Variants in HERC2 observed in about 807,000 individuals in gnomAD.
HERC2 encodes the protein E3 ubiquitin-protein ligase HERC2.
In HERC2, 102 loss-of-function variants were observed where a neutral mutation model predicts 537.7. That is an observed-to-expected ratio of 0.19 (90% CI 0.16 to 0.22). The LOEUF is 0.22. Ranked by LOEUF, HERC2 falls within the 10% of genes least tolerant of loss-of-function variation. HERC2 has a pLI of 1.00. For missense variants in HERC2, 4,236 were observed against 6,198.2 expected (o/e 0.68, Z 10.63); for synonymous variants, 2,224 against 2,466.2 (o/e 0.90, Z 2.91).
At chr15:28,303,231 C>T (rs2076684044) in intron 2 of HERC2, among the ~76,000 whole-genome samples, 1 of 152,230 alleles carries the variant, frequency 6.6e-6, no homozygotes, top group Non-Finnish European at 1.5e-5. Flanking sequence ...ATGGGTGTCC[C>T]ATTTTCCCAG....
At chr15:28,235,915 C>A (rs986984035) in intron 26 of HERC2, among the ~76,000 whole-genome samples, 3 of 152,096 alleles carry the variant, frequency 2.0e-5, no homozygotes, top group East Asian at 3.9e-4. Flanking sequence ...AAATGTAAAC[C>A]CATCTTAGGA....
At position 28,214,062 on chromosome 15, in the gene HERC2, G is replaced by A. The variant is rs200226171; in HGVS notation, c.6555+14C>T. ...CACCGTTGAACTAAATTAATTCTGA[G>A]AACACAAACCCACCCCTTCGGAAGG... On this transcript the variant is annotated intron_variant, in intron 41 of 92. Transcript: ENST00000261609. The A allele has an allele frequency of 1.5e-5, 25 of 1,613,714 alleles. No homozygotes were observed. Among genetic ancestry groups the A allele is most frequent in the Non-Finnish European group, 2.1e-5 (25 of 1,179,610 alleles).
intron 57 of HERC2, among the ~76,000 whole-genome samples, chr15:28,181,406 A>G (rs1279270182): frequency 6.6e-6 from 1 of 152,200 alleles, no homozygotes; most frequent in African/African-American, 2.4e-5. Flanking sequence ...GCTCAGGTAC[A>G]CTGAAACACA....
intron 20 of HERC2, among the ~76,000 whole-genome samples, chr15:28,250,734 T>C (rs2140850350): frequency 6.6e-6 from 1 of 152,264 alleles, no homozygotes; most frequent in East Asian, 1.9e-4. Flanking sequence ...GTTCAACAAC[T>C]GCATCTGCCA....
In HERC2 at chr15:28,132,818, G is replaced by T. The variant is rs1890240519; in HGVS notation, c.12243C>A (p.Arg4081=). ...CTCTCAGAGACTCGATGACACGAGG[G>T]CGGTCACACGGACTGCAAAAAAGTC... ...LGHGNRSPCD[R]PRVIESLRGI... is the part of the protein sequence containing the mutation. Residue 4081 remains arginine (R), a synonymous_variant, in exon 80 of 93, where the codon CGC becomes CGA. Transcript: ENST00000261609. 5 of 1,553,220 alleles carry T rather than the reference G, an allele frequency of 3.2e-6. No homozygotes were observed. The African/African-American group carries it at 7.0e-5, about 22-fold the overall frequency.
chr15:28,131,550 T>C (rs542921335), intron 81 of HERC2, among the ~76,000 whole-genome samples: 2 of 152,276 alleles, frequency 1.3e-5, no homozygotes, highest in South Asian at 2.1e-4. Flanking sequence ...AAAGACATTC[T>C]GGCAAAGATA....
intron 2 of HERC2, among the ~76,000 whole-genome samples, chr15:28,302,784 C>T (rs2076670824): frequency 6.7e-6 from 1 of 149,520 alleles, no homozygotes; most frequent in Non-Finnish European, 1.5e-5. Context: ...TTCGTACTGC[C>T]TGTTTGTCAT....
Position 28,186,622 on chromosome 15 carries a change from G to A in HERC2, c.8780C>T (p.Ala2927Val). Residue 2927 changes from alanine (A) to valine (V), a missense_variant, in exon 56 of 93, where the codon GCT (alanine) becomes GTT (valine). Physicochemically the swap from Ala to Val is moderately conservative, Grantham distance 64. Coordinates refer to ENST00000261609, the MANE Select transcript of HERC2 (RefSeq NM_004667.6). ...ATCCTCCTCCTCTTCATTATCCGAAGCTAAGAAAGGAACTGCAGCCAAATC... is the reference window on the plus strand; with the variant it reads ...ATCCTCCTCCTCTTCATTATCCGAAACTAAGAAAGGAACTGCAGCCAAATC... Reference protein sequence around the residue: ...EEDLAAVPFLASDNEEEEDEK... With the variant: ...EEDLAAVPFLVSDNEEEEDEK... 1 of 1,614,060 alleles carries A rather than the reference G, an allele frequency of 6.2e-7. No homozygotes were observed. Among genetic ancestry groups the A allele is most frequent in the Non-Finnish European group, 8.5e-7 (1 of 1,179,982 alleles).
chr15:28,320,061 C>T (rs1278107178), intron 2 of HERC2: 1 of 151,974 alleles, frequency 6.6e-6, no homozygotes, highest in Admixed American at 6.6e-5. Context: ...TGACCCAATT[C>T]TCTGTACTCT....
intron 20 of HERC2, among the ~76,000 whole-genome samples, chr15:28,253,733 G>A (rs2075159776): frequency 1.3e-5 from 2 of 152,272 alleles, no homozygotes; most frequent in South Asian, 2.1e-4. Context: ...AGGCCAAGGC[G>A]GGTAGATCAC....
rs1250866969 is a variant in HERC2 at position 28,266,117 on chromosome 15, GAA to G, written c.1599-145_1599-144del. The G allele has an allele frequency of 5.7e-6, 5 of 882,802 alleles. No homozygotes were observed. The East Asian group carries it at 1.3e-4, about 24-fold the overall frequency. The allele number at this position is 882,802 out of a possible 1,614,324, so 54.7% of individuals were successfully genotyped here. ...CCTTCCAGGTACCTTGTGAAAGAAG[GAA>G]GAGAGAATTCCAACACCTAACACCT... On this transcript the variant is annotated intron_variant, in intron 12 of 92. Transcript: ENST00000261609.
chr15:28,184,429 A>G (rs1479395282), intron 56 of HERC2, among the ~76,000 whole-genome samples: 1 of 152,188 alleles, frequency 6.6e-6, no homozygotes, highest in African/African-American at 2.4e-5. Flanking sequence ...TAGCTAATTA[A>G]TAAGATCTTA....
chr15:28,227,445 T>C (rs1353041035), intron 35 of HERC2, among the ~76,000 whole-genome samples: 1 of 142,038 alleles, frequency 7.0e-6, no homozygotes, highest in Non-Finnish European at 1.5e-5. Context: ...CCCACTACGA[T>C]GGCCTTCATC....
chr15:28,280,904 T>C (rs2076005691), intron 4 of HERC2, among the ~76,000 whole-genome samples: 1 of 151,848 alleles, frequency 6.6e-6, no homozygotes, highest in African/African-American at 2.4e-5. Context: ...AGTGAGACTC[T>C]GTCTCCCAAA....
At chr15:28,173,291 C>T (rs1210359179) in intron 65 of HERC2, among the ~76,000 whole-genome samples, 2 of 152,142 alleles carry the variant, frequency 1.3e-5, no homozygotes, top group African/African-American at 4.8e-5. Context: ...AGCAATTTCA[C>T]TTGTATAGTC....
chr15:28,168,845 C>G (rs1894413879), intron 66 of HERC2, among the ~76,000 whole-genome samples: 1 of 152,180 alleles, frequency 6.6e-6, no homozygotes, highest in South Asian at 2.1e-4. Context: ...AAAAACCAGA[C>G]CAGAATGAGA....
At chr15:28,318,303 T>C (rs1255582449) in intron 2 of HERC2, among the ~76,000 whole-genome samples, 1 of 152,044 alleles carries the variant, frequency 6.6e-6, no homozygotes, top group Non-Finnish European at 1.5e-5. Context: ...GAAAACATGG[T>C]GATTCAATCA....
rs578100069 is a variant in HERC2, at chr15:28,191,888, G to A, written c.8451+73C>T. The A allele has an allele frequency of 8.2e-5, 115 of 1,396,186 alleles. 1 individual carries two copies. The South Asian group carries it at 1.5e-3, about 18-fold the overall frequency. The allele number at this position is 1,396,186 out of a possible 1,614,324, so 86.5% of individuals were successfully genotyped here. On this transcript the variant is annotated intron_variant, in intron 53 of 92. Transcript: ENST00000261609. ...AGCAAAACTTTGCAGGCTGCTCAAA[G>A]TTCATTTTGAAAATGTACAAGGCAA...
At chr15:28,239,867 T>C (rs186657727) in intron 23 of HERC2, among the ~76,000 whole-genome samples, 181 of 152,278 alleles carry the variant, frequency 1.2e-3, no homozygotes, top group African/African-American at 4.2e-3. Context: ...CCTGGAGCCA[T>C]GTTGTTGGGA....
Sources: allele counts gnomAD v4.1 joint callset (sites outside exome capture counted in the v4.1 genomes callset), GRCh38; gene constraint gnomAD v4.1.1; transcripts MANE v1.5; gene names NCBI Gene and HGNC (gene_info 2026-07-23, HGNC 2026-07-21).